Variants in EPB41L3 observed in about 807,000 individuals in gnomAD.
The protein encoded by EPB41L3 is band 4.1-like protein 3.
Under a neutral mutation model 127.1 loss-of-function variants are expected in EPB41L3, and 57 were observed. The observed-to-expected ratio is 0.45, with a 90% CI of 0.36 to 0.56. The LOEUF (loss-of-function observed/expected upper bound fraction) is 0.56, where lower values mean the gene tolerates loss of function less well. Ranked by LOEUF, EPB41L3 falls within the 20% of genes least tolerant of loss-of-function variation. The pLI, the probability that EPB41L3 is intolerant of heterozygous loss-of-function variation, is 0.00. For missense variants in EPB41L3, 1,273 were observed against 1,372.2 expected (o/e 0.93, Z 1.14); for synonymous variants, 572 against 549.5 (o/e 1.04, Z -0.57).
chr18:5,472,463 G>A (rs1211192138), intron 3 of EPB41L3, among the ~76,000 whole-genome samples: 1 of 152,186 alleles, frequency 6.6e-6, no homozygotes, highest in Non-Finnish European at 1.5e-5. Flanking sequence ...GTTGAGCAGA[G>A]ATCCATGGAG....
intron 1 of EPB41L3, among the ~76,000 whole-genome samples, chr18:5,624,719 T>C (rs1208882175): frequency 6.6e-6 from 1 of 152,176 alleles, no homozygotes. Flanking sequence ...CAAGTTACCG[T>C]GGAGCCCCCA....
At chr18:5,577,367 A>G (rs1006667609) in intron 3 of EPB41L3, 27 of 453,952 alleles carry the variant, frequency 5.9e-5, no homozygotes, top group Non-Finnish European at 6.2e-5. Context: ...ACAGATAGAG[A>G]CAGATGAAAG....
rs990323347 is a variant in EPB41L3 at position 5,565,738 on chromosome 18, G to A, written c.-306+46602C>T. Among the ~76,000 whole-genome samples, 16 of 150,968 alleles carry A rather than the reference G, an allele frequency of 1.1e-4. No individual in the cohort carries two copies. In the South Asian group the frequency reaches 1.5e-3, roughly 14 times the overall value. ...GCAGTGTTTGGTTTTTTGTCCTTGC[G>A]ATAGTTTGCTGAGAATCTGAGAATA... On this transcript the variant is annotated intron_variant, in intron 3 of 21. Coordinates refer to the EPB41L3 transcript ENST00000545076.
chr18:5,534,682 A>G (rs990954252), intron 1 of EPB41L3, among the ~76,000 whole-genome samples: 5 of 152,190 alleles, frequency 3.3e-5, no homozygotes, highest in Non-Finnish European at 4.4e-5. Context: ...TGGATCTTAC[A>G]ATTACTAAGA....
At chr18:5,572,822 C>T (rs1175423585) in intron 3 of EPB41L3, among the ~76,000 whole-genome samples, 1 of 152,198 alleles carries the variant, frequency 6.6e-6, no homozygotes, top group East Asian at 1.9e-4. Flanking sequence ...AATCCTCCCA[C>T]CTTGGCCTCC....
At chr18:5,508,980 A>G (rs1428199447) in intron 1 of EPB41L3, among the ~76,000 whole-genome samples, 1 of 152,128 alleles carries the variant, frequency 6.6e-6, no homozygotes, top group Non-Finnish European at 1.5e-5. Flanking sequence ...GCAGTCTCTC[A>G]TGGAAGTGTT....
chr18:5,401,439 A>T (rs762112656), intron 16 of EPB41L3, among the ~76,000 whole-genome samples: 7 of 152,162 alleles, frequency 4.6e-5, no homozygotes, highest in Non-Finnish European at 7.4e-5. Flanking sequence ...AGAAATTTTT[A>T]AAAATTTAAA....
intron 3 of EPB41L3, among the ~76,000 whole-genome samples, chr18:5,469,735 C>T (rs1424065046): frequency 1.3e-5 from 2 of 152,052 alleles, no homozygotes; most frequent in East Asian, 3.9e-4. Context: ...GAGACAAATA[C>T]TATACTTTGG....
At chr18:5,629,367 T>C (rs1416736828), upstream of EPB41L3, among the ~76,000 whole-genome samples, 3 of 150,694 alleles carry the variant, frequency 2.0e-5, no homozygotes, top group Admixed American at 2.0e-4. Context: ...GGGAACTGGC[T>C]CCTGCGCCTC....
At chr18:5,482,873 T>C (rs538090965) in intron 2 of EPB41L3, among the ~76,000 whole-genome samples, 32 of 152,204 alleles carry the variant, frequency 2.1e-4, no homozygotes, top group Non-Finnish European at 4.1e-4. Context: ...TTCTTCAATC[T>C]GAAATAAAAA....
intron 1 of EPB41L3, among the ~76,000 whole-genome samples, chr18:5,501,646 C>T (rs1209541956): frequency 6.6e-6 from 1 of 152,182 alleles, no homozygotes; most frequent in African/African-American, 2.4e-5. Context: ...TAGAATTTAT[C>T]ACAATTCTTA....
upstream of EPB41L3, among the ~76,000 whole-genome samples, chr18:5,546,081 T>C (rs1799753639): frequency 6.6e-6 from 1 of 152,224 alleles, no homozygotes; most frequent in African/African-American, 2.4e-5. Flanking sequence ...TTCATTCATT[T>C]TGTTGCAGTA....
chr18:5,429,800 T>G (rs1184394689), intron 8 of EPB41L3, among the ~76,000 whole-genome samples: 1 of 152,158 alleles, frequency 6.6e-6, no homozygotes, highest in Non-Finnish European at 1.5e-5. Flanking sequence ...TGCCCACCAT[T>G]TATCTAGGAC....
At chr18:5,588,498 G>T (rs967603218) in intron 3 of EPB41L3, among the ~76,000 whole-genome samples, 1 of 150,330 alleles carries the variant, frequency 6.7e-6, no homozygotes, top group Non-Finnish European at 1.5e-5. Flanking sequence ...ATAAATATGT[G>T]TATATATTTA....
At chr18:5,485,170 C>T (rs1413407616) in intron 2 of EPB41L3, among the ~76,000 whole-genome samples, 1 of 151,918 alleles carries the variant, frequency 6.6e-6, no homozygotes, top group Non-Finnish European at 1.5e-5. Flanking sequence ...TGTGATTCAT[C>T]CTAGGGATGC....
chr18:5,394,860 G>A, intron 21 of EPB41L3, 67 bp from the exon 22 acceptor site: 2 of 1,452,940 alleles, frequency 1.4e-6, no homozygotes, highest in Middle Eastern at 1.7e-4. Context: ...TCAGTGGTGA[G>A]GTGGAGACTT....
intron 3 of EPB41L3, among the ~76,000 whole-genome samples, chr18:5,476,945 G>A (rs2087355440): frequency 6.6e-6 from 1 of 152,130 alleles, no homozygotes; most frequent in Non-Finnish European, 1.5e-5. Context: ...TAAGGATACT[G>A]GATGACTAAA....
In EPB41L3 at chr18:5,397,997, C is replaced by T. The variant is rs2073868686; in HGVS notation, c.2472+24G>A. 3 of 1,613,928 alleles carry T rather than the reference C, an allele frequency of 1.9e-6. No homozygotes were observed. The highest frequency in any genetic ancestry group is 4.5e-5 in the East Asian group (2 of 44,862). ...AGGCACATGGGCACATTCAGAAACACCAAGGACGAAAACAAATGGCCACCT... is the reference window on the plus strand; with the variant it reads ...AGGCACATGGGCACATTCAGAAACATCAAGGACGAAAACAAATGGCCACCT... On this transcript the variant is annotated intron_variant, in intron 17 of 22. Coordinates refer to ENST00000341928, the MANE Select transcript of EPB41L3 (RefSeq NM_012307.5). The surrounding 1 kb of genome is among the most constrained non-coding windows in gnomAD (Gnocchi z 4.1).
At chr18:5,435,409 A>C (rs2079622659) in intron 6 of EPB41L3, among the ~76,000 whole-genome samples, 1 of 152,204 alleles carries the variant, frequency 6.6e-6, no homozygotes, top group South Asian at 2.1e-4. Flanking sequence ...AGTGGCCTAC[A>C]CAGGTGTACC....
Sources: gnomAD v4.1 joint callset for allele counts (sites outside exome capture counted in the v4.1 genomes callset) on GRCh38, gnomAD v4.1.1 for gene constraint, Gnocchi (gnomAD v3.1) non-coding constraint, MANE v1.5 for transcripts, NCBI Gene and HGNC (gene_info 2026-07-23, HGNC 2026-07-21) for gene names.